EGFLAM: variants seen among roughly 807,000 people sequenced by gnomAD.
The protein encoded by EGFLAM is EGF like, fibronectin type III and laminin G domains.
A neutral mutation model predicts 113.1 loss-of-function variants in EGFLAM; 79 were observed. The ratio of observed to expected loss-of-function variants is 0.70; its 90% CI spans 0.58 to 0.84. The LOEUF (loss-of-function observed/expected upper bound fraction) is 0.84, where lower values mean the gene tolerates loss of function less well. Among genes scored for constraint, EGFLAM ranks in the 40% least tolerant of loss-of-function variants. The pLI, the probability that EGFLAM is intolerant of heterozygous loss-of-function variation, is 0.00. For missense variants in EGFLAM, 1,265 were observed against 1,291.6 expected (o/e 0.98, Z 0.32); for synonymous variants, 504 against 487.6 (o/e 1.03, Z -0.44).
intron 1 of EGFLAM, among the ~76,000 whole-genome samples, chr5:38,277,351 T>C (rs1757908878): frequency 6.6e-6 from 1 of 152,178 alleles, no homozygotes; most frequent in Non-Finnish European, 1.5e-5. Context: ...AGGCATTTGA[T>C]GAAATTCAAC....
At chr5:38,343,406 CAAA>C (rs61453202) in intron 3 of EGFLAM, among the ~76,000 whole-genome samples, 3,603 of 130,814 alleles carry the variant, frequency 0.028, 146 homozygotes, top group African/African-American at 0.094. Context: ...AACTCCATCT[CAAA>C]AAAAAAAAAA....
chr5:38,297,058 A>T (rs1014135458), intron 1 of EGFLAM, among the ~76,000 whole-genome samples: 5 of 152,240 alleles, frequency 3.3e-5, no homozygotes, highest in South Asian at 2.1e-4. Flanking sequence ...ATTGTTACAG[A>T]TCGGGGGAGA....
chr5:38,312,732 T>C (rs1312561697), intron 1 of EGFLAM, among the ~76,000 whole-genome samples: 1 of 152,220 alleles, frequency 6.6e-6, no homozygotes, highest in African/African-American at 2.4e-5. Flanking sequence ...CAATTATTAC[T>C]ATCAATTATG....
intron 1 of EGFLAM, among the ~76,000 whole-genome samples, chr5:38,321,985 G>T (rs1035130274): frequency 6.6e-6 from 1 of 152,194 alleles, no homozygotes; most frequent in South Asian, 2.1e-4. Context: ...GAAAGAGCAG[G>T]TTCAAATTCC....
In EGFLAM at chr5:38,458,297, C is replaced by T; in HGVS notation, c.2688-14C>T. The T allele has an allele frequency of 6.2e-7, 1 of 1,612,198 alleles. No individual in the cohort carries two copies. The highest frequency in any genetic ancestry group is 8.5e-7 in the Non-Finnish European group (1 of 1,179,024). The stretch of plus-strand genomic sequence containing the variant: ...TTATTCTGTTCTCTGTCTTCTTCTT[C>T]TCCAATGCCTTAGCTATAACCTGGG... On this transcript the variant is annotated splice_polypyrimidine_tract_variant and intron_variant, in intron 19 of 21. Transcript: ENST00000322350.
chr5:38,282,268 A>G (rs899954208), intron 1 of EGFLAM: 1 of 151,668 alleles, frequency 6.6e-6, no homozygotes, highest in African/African-American at 2.4e-5. Context: ...CAAAGATTTG[A>G]ATGAAAATAG....
At chr5:38,343,289 C>T (rs1015165386) in intron 3 of EGFLAM, among the ~76,000 whole-genome samples, 1 of 151,818 alleles carries the variant, frequency 6.6e-6, no homozygotes, top group Non-Finnish European at 1.5e-5. Context: ...GCCTGTAATC[C>T]CAGCTACTTG....
chr5:38,364,742 A>T (rs188509731), intron 5 of EGFLAM, among the ~76,000 whole-genome samples: 10 of 152,328 alleles, frequency 6.6e-5, no homozygotes, highest in Admixed American at 3.9e-4. Flanking sequence ...GTCTAAAATT[A>T]TACTGGAAGG....
At chr5:38,433,595 A>ACT (rs950750079) in intron 15 of EGFLAM, among the ~76,000 whole-genome samples, 12 of 152,034 alleles carry the variant, frequency 7.9e-5, no homozygotes, top group Non-Finnish European at 1.5e-4. Context: ...ACTGCTCCTC[A>ACT]CTCCACGAGG....
chr5:38,446,646 G>A (rs1324416605), intron 17 of EGFLAM, among the ~76,000 whole-genome samples: 1 of 152,186 alleles, frequency 6.6e-6, no homozygotes, highest in African/African-American at 2.4e-5. Context: ...TTCCAGGGCT[G>A]TGCTGCTTCA....
At chr5:38,429,116 A>G (rs531813484) in intron 14 of EGFLAM, among the ~76,000 whole-genome samples, 1 of 152,320 alleles carries the variant, frequency 6.6e-6, no homozygotes, top group South Asian at 2.1e-4. Context: ...TAACTTTAGG[A>G]ATAGGATAAG....
At chr5:38,312,585 A>G (rs1194749907) in intron 1 of EGFLAM, among the ~76,000 whole-genome samples, 1 of 152,172 alleles carries the variant, frequency 6.6e-6, no homozygotes, top group African/African-American at 2.4e-5. Context: ...TAACACCTAC[A>G]GGATAAATAT....
intron 5 of EGFLAM, among the ~76,000 whole-genome samples, chr5:38,355,035 T>G (rs1739730555): frequency 6.6e-6 from 1 of 152,092 alleles, no homozygotes; most frequent in Non-Finnish European, 1.5e-5. Context: ...CCTCTCATAG[T>G]GTGGGGTCCC....
At chr5:38,452,223 G>A (rs1289285900) in intron 19 of EGFLAM, among the ~76,000 whole-genome samples, 1 of 151,876 alleles carries the variant, frequency 6.6e-6, no homozygotes, top group East Asian at 2.0e-4. Context: ...TGTACAGACG[G>A]GGTTTCACCA....
chr5:38,370,368 C>G lies in EGFLAM; in HGVS notation c.618C>G (p.Leu206=), dbSNP rs150656160. Residue 206 remains leucine, a synonymous_variant, in exon 6 of 22, where the codon CTC becomes CTG. Coordinates refer to ENST00000322350, the MANE Select transcript of EGFLAM (RefSeq NM_152403.4). ...IQMDSMVIKG[L]DPDTNYQFAV... is the part of the protein sequence containing the mutation. The stretch of plus-strand genomic sequence containing the variant: ...TGGACTCCATGGTTATCAAGGGCCT[C>G]GATCCAGATACCAACTACCAGTTTG... The G allele has an allele frequency of 6.2e-7, 1 of 1,614,060 alleles. No individual in the cohort carries two copies. The highest frequency in any genetic ancestry group is 2.2e-5 in the East Asian group (1 of 44,890).
rs1424141969 is a variant in EGFLAM, at chr5:38,258,617, G to A, written c.-138G>A. 2.1e-6 allele frequency: 2 copies of A among 969,042 alleles called. No homozygotes were observed. Among genetic ancestry groups the A allele is most frequent in the Non-Finnish European group, 3.2e-6 (2 of 629,618 alleles). The allele number at this position is 969,042 out of a possible 1,614,324, so 60.0% of individuals were successfully genotyped here. On this transcript the variant is annotated 5_prime_UTR_variant, in exon 1 of 22. Coordinates refer to ENST00000322350, the MANE Select transcript of EGFLAM (RefSeq NM_152403.4). ...ACCTCTTGGAACTACCCGTGTTTCC[G>A]GGCCCAGCCCTCGCAGCCCCCCACC...
intron 1 of EGFLAM, among the ~76,000 whole-genome samples, chr5:38,289,748 G>T (rs1223243076): frequency 6.6e-6 from 1 of 152,134 alleles, no homozygotes; most frequent in Non-Finnish European, 1.5e-5. Context: ...CTATAATGAA[G>T]ACTAGGGATA....
chr5:38,408,979 G>A, intron 9 of EGFLAM, 25 bp from the exon 10 acceptor site: 1 of 1,559,182 alleles, frequency 6.4e-7, no homozygotes, highest in Middle Eastern at 1.7e-4. Context: ...TACTGTTCAT[G>A]TGGCTTTTGT....
chr5:38,394,563 C>T (rs545566075), intron 6 of EGFLAM, among the ~76,000 whole-genome samples: 2 of 152,048 alleles, frequency 1.3e-5, no homozygotes, highest in African/African-American at 2.4e-5. Flanking sequence ...GCACCCGCCA[C>T]CACGCCCGGC....
Sources: allele counts gnomAD v4.1 joint callset (sites outside exome capture counted in the v4.1 genomes callset), GRCh38; gene constraint gnomAD v4.1.1; transcripts MANE v1.5; gene names NCBI Gene and HGNC (gene_info 2026-07-23, HGNC 2026-07-21).